The following KIAA1328 variants were observed in gnomAD, a reference collection of about 807,000 sequenced individuals.
KIAA1328 encodes KIAA1328.
KIAA1328 carries 52 observed loss-of-function variants against 68.1 expected under a neutral mutation model. The ratio of observed to expected loss-of-function variants is 0.76; its 90% CI spans 0.61 to 0.96. The LOEUF (loss-of-function observed/expected upper bound fraction) is 0.96. Among genes scored for constraint, KIAA1328 ranks in the 40% least tolerant of loss-of-function variants. The probability of loss-of-function intolerance (pLI) is 0.00; values close to 1 mark genes in which losing one functional copy is unlikely to be tolerated. For synonymous variants in KIAA1328, 232 were observed against 239.4 expected (o/e 0.97, Z 0.28); for missense variants, 641 against 677.6 (o/e 0.95, Z 0.60).
intron 4 of KIAA1328, among the ~76,000 whole-genome samples, chr18:36,865,922 C>T (rs2047733792): frequency 6.6e-6 from 1 of 152,142 alleles, no homozygotes; most frequent in Non-Finnish European, 1.5e-5. Flanking sequence ...TGTGGATGTC[C>T]TCTTTACCCA....
At chr18:37,216,917 G>GTTT (rs2060449353) in intron 9 of KIAA1328, among the ~76,000 whole-genome samples, 1 of 46,398 alleles carries the variant, frequency 2.2e-5, no homozygotes, top group Non-Finnish European at 4.4e-5. Flanking sequence ...TTTTTTTTTT[G>GTTT]TCTTTGTTGG....
In KIAA1328 at chr18:37,067,695, G is replaced by A. The variant is rs372125222; in HGVS notation, c.1232+150G>A. 3.7e-6 allele frequency: 3 copies of A among 808,942 alleles called. No homozygotes were observed. In the East Asian group the frequency reaches 8.3e-5, roughly 22 times the overall value. The allele number at this position is 808,942 out of a possible 1,614,324, so 50.1% of individuals were successfully genotyped here. On this transcript the variant is annotated intron_variant, in intron 7 of 9. Transcript: ENST00000280020. Reference sequence around the variant, plus strand: ...CTGCCTCAGCCTCCCGAGTAGCTGGGATTACAGGCGCCCGCCACCATGCCC... The same window carrying A: ...CTGCCTCAGCCTCCCGAGTAGCTGGAATTACAGGCGCCCGCCACCATGCCC...
chr18:36,933,303 T>A (rs544786670), intron 5 of KIAA1328, among the ~76,000 whole-genome samples: 1 of 152,270 alleles, frequency 6.6e-6, no homozygotes, highest in South Asian at 2.1e-4. Flanking sequence ...GTGGTGGTGG[T>A]GGAGAGAGAG....
chr18:36,842,572 T>C (rs1360933778), intron 3 of KIAA1328, among the ~76,000 whole-genome samples: 2 of 152,192 alleles, frequency 1.3e-5, no homozygotes, highest in Non-Finnish European at 2.9e-5. Flanking sequence ...CTCTAGAATT[T>C]CATTGTATCA....
At chr18:37,135,803 T>G (rs888251178) in intron 7 of KIAA1328, among the ~76,000 whole-genome samples, 2 of 152,226 alleles carry the variant, frequency 1.3e-5, no homozygotes, top group Non-Finnish European at 2.9e-5. Flanking sequence ...TCTAAGATTC[T>G]TATAGTTTGA....
intron 6 of KIAA1328, among the ~76,000 whole-genome samples, chr18:36,990,118 T>G (rs1478753689): frequency 6.6e-6 from 1 of 152,230 alleles, no homozygotes; most frequent in Non-Finnish European, 1.5e-5. Flanking sequence ...CCTTCAGCAA[T>G]AACTACTATT....
chr18:36,853,273 C>T (rs2150851347), intron 4 of KIAA1328, among the ~76,000 whole-genome samples: 1 of 152,232 alleles, frequency 6.6e-6, no homozygotes, highest in Non-Finnish European at 1.5e-5. Flanking sequence ...GATTTACCTC[C>T]ACCCTTTATT....
intron 8 of KIAA1328, among the ~76,000 whole-genome samples, chr18:37,162,493 C>T (rs1263606969): frequency 6.6e-6 from 1 of 152,106 alleles, no homozygotes; most frequent in African/African-American, 2.4e-5. Context: ...CATTGCACAG[C>T]TAGTGTATGC....
At chr18:36,885,978 A>T in intron 5 of KIAA1328, 1 of 333,890 alleles carries the variant, frequency 3.0e-6, no homozygotes, top group Non-Finnish European at 5.4e-6. Context: ...TGGCCTCCCA[A>T]AGTGCTAGGA....
At chr18:36,950,717 G>A (rs2051125762) in intron 5 of KIAA1328, among the ~76,000 whole-genome samples, 1 of 152,172 alleles carries the variant, frequency 6.6e-6, no homozygotes, top group Non-Finnish European at 1.5e-5. Context: ...TAGGCATTCA[G>A]AGTAAAGGAA....
chr18:36,980,659 G>T (rs2052646954), intron 6 of KIAA1328, among the ~76,000 whole-genome samples: 1 of 152,104 alleles, frequency 6.6e-6, no homozygotes, highest in Non-Finnish European at 1.5e-5. Context: ...ACATGGTTTG[G>T]CTCTGTGTTC....
At chr18:36,959,217 T>A (rs2051550687) in intron 5 of KIAA1328, 91 bp from the exon 6 acceptor site, 1 of 1,214,868 alleles carries the variant, frequency 8.2e-7, no homozygotes, top group Admixed American at 3.4e-5. Flanking sequence ...CATTTCTGGT[T>A]CTGTTTTGTT....
chr18:37,044,330 C>G (rs373733102), intron 6 of KIAA1328, among the ~76,000 whole-genome samples: 8 of 151,930 alleles, frequency 5.3e-5, no homozygotes, highest in African/African-American at 1.9e-4. Context: ...GGATCCTATC[C>G]GTCATCTCCC....
intron 7 of KIAA1328, among the ~76,000 whole-genome samples, chr18:37,147,561 C>A (rs2154209195): frequency 6.6e-6 from 1 of 152,228 alleles, no homozygotes; most frequent in East Asian, 1.9e-4. Context: ...GAGGGCAGAT[C>A]TCTGGAAAGC....
intron 5 of KIAA1328, among the ~76,000 whole-genome samples, chr18:36,919,278 T>C (rs1192750356): frequency 6.6e-6 from 1 of 152,214 alleles, no homozygotes; most frequent in Non-Finnish European, 1.5e-5. Flanking sequence ...CTAGTTTCAT[T>C]CTCTATACTT....
intron 5 of KIAA1328, among the ~76,000 whole-genome samples, chr18:36,950,578 G>C (rs2051118250): frequency 6.6e-6 from 1 of 152,146 alleles, no homozygotes; most frequent in Admixed American, 6.5e-5. Flanking sequence ...GTCAGTGAAA[G>C]CTTGGAGGAA....
intron 6 of KIAA1328, among the ~76,000 whole-genome samples, chr18:36,975,388 T>C (rs2052426913): frequency 6.6e-6 from 1 of 152,036 alleles, no homozygotes; most frequent in Non-Finnish European, 1.5e-5. Flanking sequence ...TTCACCGTTT[T>C]AGCTGGGATG....
intron 5 of KIAA1328, among the ~76,000 whole-genome samples, chr18:36,921,486 CT>C: frequency 6.6e-6 from 1 of 152,272 alleles, no homozygotes; most frequent in South Asian, 2.1e-4. Context: ...TCACTGTAAG[CT>C]CCACCTCCCG....
At chr18:37,152,219 T>A (rs552699272) in intron 7 of KIAA1328, among the ~76,000 whole-genome samples, 45 of 152,130 alleles carry the variant, frequency 3.0e-4, no homozygotes, top group African/African-American at 9.9e-4. Flanking sequence ...TAGTTTTCAT[T>A]CCAGCTTTTA....
Sources: gnomAD v4.1 joint callset for allele counts (sites outside exome capture counted in the v4.1 genomes callset) on GRCh38, gnomAD v4.1.1 for gene constraint, MANE v1.5 for transcripts, NCBI Gene and HGNC (gene_info 2026-07-23, HGNC 2026-07-21) for gene names.